DSCAML1: variants seen among roughly 807,000 people sequenced by gnomAD.
DSCAML1 encodes the protein DS cell adhesion molecule like 1, also known as cell adhesion molecule DSCAML1.
Under a neutral mutation model 200.5 loss-of-function variants are expected in DSCAML1, and 38 were observed. That is an observed-to-expected ratio of 0.19 (90% CI 0.15 to 0.25). The LOEUF (loss-of-function observed/expected upper bound fraction) is 0.25, where lower values mean the gene tolerates loss of function less well. DSCAML1 is among the 10% of genes least tolerant of loss of function. The pLI is 1.00. For synonymous variants in DSCAML1, 1,215 were observed against 1,165.0 expected, an observed-to-expected ratio of 1.04 and a Z score of -0.87; for missense variants, 2,223 against 2,858.8, an observed-to-expected ratio of 0.78 and a Z score of 5.07.
intron 3 of DSCAML1, among the ~76,000 whole-genome samples, chr11:117,708,782 C>T (rs1387138522): frequency 2.0e-5 from 3 of 152,206 alleles, no homozygotes; most frequent in Non-Finnish European, 4.4e-5. Flanking sequence ...TTGCGTGGAC[C>T]TATGGCCAAA....
rs1470202337 is a variant in DSCAML1, at chr11:117,808,625, A to T, written c.-250+8765T>A. The stretch of plus-strand genomic sequence containing the variant: ...AGGTCTTGGGGCTGGCATTTGGGAA[A>T]TCCTGAACTAGAAGATAAACTAGAA... On this transcript the variant is annotated intron_variant, in intron 1 of 2. Coordinates refer to the DSCAML1 transcript ENST00000525836. Among the ~76,000 whole-genome samples, 6 of 152,318 alleles carry T rather than the reference A, an allele frequency of 3.9e-5. No individual in the cohort carries two copies. The East Asian group carries it at 5.8e-4, about 15-fold the overall frequency.
intron 3 of DSCAML1, among the ~76,000 whole-genome samples, chr11:117,716,426 G>A (rs960164886): frequency 1.3e-5 from 2 of 152,092 alleles, no homozygotes; most frequent in Admixed American, 6.5e-5. Context: ...AAGAGCTTTG[G>A]GTTTTGCTCT....
chr11:117,800,803 G>A (rs571379142), upstream of DSCAML1: 26 of 152,266 alleles, frequency 1.7e-4, no homozygotes, highest in Admixed American at 5.9e-4. Context: ...TATTTAGGGG[G>A]TATTATTTTG....
chr11:117,560,733 T>C (rs1255432839), intron 3 of DSCAML1, among the ~76,000 whole-genome samples: 1 of 152,146 alleles, frequency 6.6e-6, no homozygotes, highest in Non-Finnish European at 1.5e-5. Context: ...AAAATTGGCA[T>C]AACATCCTGC....
chr11:117,522,410 G>T (rs2049901197), intron 5 of DSCAML1, among the ~76,000 whole-genome samples: 1 of 152,194 alleles, frequency 6.6e-6, no homozygotes, highest in East Asian at 1.9e-4. Context: ...CATGACCGGA[G>T]TCATTACTGA....
intron 3 of DSCAML1, among the ~76,000 whole-genome samples, chr11:117,764,824 G>A (rs2054862430): frequency 1.3e-5 from 2 of 152,192 alleles, no homozygotes; most frequent in African/African-American, 4.8e-5. Context: ...GGGTGGTGAA[G>A]AGGGACCCCA....
At chr11:117,787,265 G>T (rs534037485) in intron 1 of DSCAML1, among the ~76,000 whole-genome samples, 68 of 152,250 alleles carry the variant, frequency 4.5e-4, no homozygotes, top group African/African-American at 1.5e-3. Context: ...TATATATGAA[G>T]AGCTTGGGAC....
At chr11:117,439,531 G>T in intron 22 of DSCAML1, 102 bp from the exon 23 acceptor site, 1 of 1,448,230 alleles carries the variant, frequency 6.9e-7, no homozygotes, top group Non-Finnish European at 9.3e-7. Flanking sequence ...GTGGAAGGAG[G>T]CTCGCCAGGG....
chr11:117,737,440 C>G (rs2054338132), intron 3 of DSCAML1, among the ~76,000 whole-genome samples: 1 of 152,176 alleles, frequency 6.6e-6, no homozygotes, highest in Admixed American at 6.5e-5. Context: ...TCCCAGGGAG[C>G]ACACCTCAGA....
At chr11:117,545,664 T>C (rs1004009438) in intron 3 of DSCAML1, among the ~76,000 whole-genome samples, 3 of 152,084 alleles carry the variant, frequency 2.0e-5, no homozygotes, top group African/African-American at 4.8e-5. Flanking sequence ...GAAGAAAGAC[T>C]GAGTCTAAGA....
chr11:117,450,793 T>G, intron 19 of DSCAML1, 105 bp from the exon 20 acceptor site: 1 of 1,362,372 alleles, frequency 7.3e-7, no homozygotes, highest in Non-Finnish European at 9.9e-7. Flanking sequence ...GGAGAGCTTC[T>G]TGGAGGTGGC....
At chr11:117,626,659 AC>A (rs1311612817) in intron 3 of DSCAML1, among the ~76,000 whole-genome samples, 1 of 152,134 alleles carries the variant, frequency 6.6e-6, no homozygotes, top group East Asian at 1.9e-4. Context: ...CTGTACCCAA[AC>A]AAGCGCTCTC....
At chr11:117,697,195 CTT>C (rs1343326451) in intron 3 of DSCAML1, among the ~76,000 whole-genome samples, 1 of 152,216 alleles carries the variant, frequency 6.6e-6, no homozygotes. Context: ...TTGGCTGACT[CTT>C]GTGCTCAGAC....
intron 20 of DSCAML1, among the ~76,000 whole-genome samples, chr11:117,446,332 C>T (rs2048175981): frequency 6.6e-6 from 1 of 152,152 alleles, no homozygotes. Flanking sequence ...CCATTGCACT[C>T]CAGCCTGGGC....
chr11:117,725,536 C>A (rs1236395357), intron 3 of DSCAML1, among the ~76,000 whole-genome samples: 1 of 152,208 alleles, frequency 6.6e-6, no homozygotes, highest in Non-Finnish European at 1.5e-5. Flanking sequence ...TCCCACTTAT[C>A]TTTCCCATTT....
intron 3 of DSCAML1, among the ~76,000 whole-genome samples, chr11:117,735,149 C>T (rs2054294796): frequency 6.6e-6 from 1 of 152,336 alleles, no homozygotes; most frequent in Non-Finnish European, 1.5e-5. Flanking sequence ...TAGCATCCCC[C>T]TTCCCAAAAG....
chr11:117,492,090 A>T (rs2049192693), intron 11 of DSCAML1, among the ~76,000 whole-genome samples: 1 of 152,102 alleles, frequency 6.6e-6, no homozygotes. Flanking sequence ...TTATTGTTCC[A>T]TGGTGGGCCT....
chr11:117,566,561 TTTG>T (rs1228716045), intron 3 of DSCAML1, among the ~76,000 whole-genome samples: 5 of 151,626 alleles, frequency 3.3e-5, no homozygotes, highest in Admixed American at 1.3e-4. Flanking sequence ...TGGTTTTTTT[TTTG>T]TTTGTTTTAT....
rs2049777703 is a variant in DSCAML1, at chr11:117,516,813, C to T, written c.1511-74G>A. The T allele has an allele frequency of 9.1e-6, 14 of 1,535,056 alleles. No individual in the cohort carries two copies. In the South Asian group the frequency reaches 1.8e-4, roughly 19 times the overall value. On this transcript the variant is annotated intron_variant, in intron 7 of 32. Transcript: ENST00000651296. The surrounding 1 kb of genome is among the most constrained non-coding windows in gnomAD (Gnocchi z 5.7). The stretch of plus-strand genomic sequence containing the variant: ...CTGTCAGCCAGGGACAGCCAGGCAC[C>T]ACCCTGCGGTGCTCTTCTCAGGCAC...
Sources: gnomAD v4.1 joint callset for allele counts (sites outside exome capture counted in the v4.1 genomes callset) on GRCh38, gnomAD v4.1.1 for gene constraint, Gnocchi (gnomAD v3.1) non-coding constraint, MANE v1.5 for transcripts, NCBI Gene and HGNC (gene_info 2026-07-23, HGNC 2026-07-21) for gene names.